Variants in RBFOX3 observed in about 807,000 individuals in gnomAD.
RBFOX3 encodes RNA binding fox-1 homolog 3.
In RBFOX3, 17 loss-of-function variants were observed where a neutral mutation model predicts 48.7. That is an observed-to-expected ratio of 0.35 (90% CI 0.24 to 0.52). The LOEUF is 0.52. RBFOX3 is among the 20% of genes least tolerant of loss of function. The pLI, the probability that RBFOX3 is intolerant of heterozygous loss-of-function variation, is 0.94. For synonymous variants in RBFOX3, 212 were observed against 209.5 expected, an observed-to-expected ratio of 1.01 and a Z score of -0.10; for missense variants, 382 against 497.5, an observed-to-expected ratio of 0.77 and a Z score of 2.21.
intron 1 of RBFOX3, among the ~76,000 whole-genome samples, chr17:79,531,844 C>T (rs1040693995): frequency 2.4e-4 from 36 of 152,328 alleles, no homozygotes; most frequent in African/African-American, 4.6e-4. Flanking sequence ...TCACGTTCTC[C>T]GTGACTCACC....
At chr17:79,267,871 C>T (rs916322469) in intron 3 of RBFOX3, among the ~76,000 whole-genome samples, 11 of 152,102 alleles carry the variant, frequency 7.2e-5, no homozygotes, top group Non-Finnish European at 1.3e-4. Flanking sequence ...GCTAGGAACG[C>T]GCAAGGCAGA....
intron 2 of RBFOX3, among the ~76,000 whole-genome samples, chr17:79,320,752 G>A (rs900077470): frequency 2.6e-5 from 4 of 152,086 alleles, no homozygotes; most frequent in African/African-American, 4.8e-5. Context: ...GCCTGCTCTC[G>A]GTGTGAGTCT....
At chr17:79,432,448 C>G (rs989480613) in intron 2 of RBFOX3, among the ~76,000 whole-genome samples, 20 of 152,342 alleles carry the variant, frequency 1.3e-4, no homozygotes, top group African/African-American at 4.6e-4. Flanking sequence ...ACATCAGTCA[C>G]CTGGGTTGGT....
intron 3 of RBFOX3, among the ~76,000 whole-genome samples, chr17:79,303,867 G>GTGTA (rs945112051): frequency 6.6e-6 from 1 of 151,610 alleles, no homozygotes; most frequent in African/African-American, 2.4e-5. Flanking sequence ...GTGTGTGTGT[G>GTGTA]TGTGTGTGTG....
At chr17:79,168,133 C>T (rs775741006) in intron 4 of RBFOX3, among the ~76,000 whole-genome samples, 2 of 152,276 alleles carry the variant, frequency 1.3e-5, no homozygotes, top group Admixed American at 6.5e-5. Context: ...TCTGATGCCC[C>T]GACCCTCGTT....
At chr17:79,278,147 C>T (rs565122536) in intron 3 of RBFOX3, among the ~76,000 whole-genome samples, 35 of 152,138 alleles carry the variant, frequency 2.3e-4, no homozygotes, top group Non-Finnish European at 4.3e-4. Flanking sequence ...GAGGCTGGCC[C>T]GTGGCAGCCA....
At chr17:79,240,055 G>A (rs1476631006) in intron 3 of RBFOX3, among the ~76,000 whole-genome samples, 28 of 152,112 alleles carry the variant, frequency 1.8e-4, no homozygotes, top group Admixed American at 1.8e-3. Context: ...CGAGTTCCTT[G>A]TGGGCTTTTC....
intron 1 of RBFOX3, among the ~76,000 whole-genome samples, chr17:79,503,533 A>G (rs1278046951): frequency 6.6e-6 from 1 of 152,248 alleles, no homozygotes; most frequent in Non-Finnish European, 1.5e-5. Context: ...TCTGCCTCGC[A>G]CGTGGTCTTT....
intron 2 of RBFOX3, among the ~76,000 whole-genome samples, chr17:79,469,355 G>A (rs372907318): frequency 7.9e-5 from 12 of 152,292 alleles, no homozygotes; most frequent in African/African-American, 9.6e-5. Context: ...CCCCTTGGCC[G>A]CCCATGCAGT....
the RBFOX3 span, among the ~76,000 whole-genome samples, chr17:79,628,106 G>A: frequency 6.6e-6 from 1 of 152,046 alleles, no homozygotes; most frequent in African/African-American, 2.4e-5. Flanking sequence ...AGCTCCTACA[G>A]GCTCAACTCC....
At chr17:79,230,555 G>A (rs1470756422) in intron 4 of RBFOX3, among the ~76,000 whole-genome samples, 5 of 152,212 alleles carry the variant, frequency 3.3e-5, no homozygotes, top group South Asian at 2.1e-4. Flanking sequence ...CACGGCACCC[G>A]GCTCTCCTTA....
chr17:79,255,690 T>C (rs2064714255), intron 3 of RBFOX3, among the ~76,000 whole-genome samples: 1 of 152,020 alleles, frequency 6.6e-6, no homozygotes, highest in Admixed American at 6.5e-5. Context: ...GCAGCAGCAC[T>C]GGGCCTGGCC....
At chr17:79,287,998 C>A (rs1030599981) in intron 3 of RBFOX3, among the ~76,000 whole-genome samples, 29 of 152,118 alleles carry the variant, frequency 1.9e-4, no homozygotes, top group Non-Finnish European at 1.5e-5. Flanking sequence ...TCTCGGGCTC[C>A]ACATTTCACT....
intron 3 of RBFOX3, among the ~76,000 whole-genome samples, chr17:79,270,341 C>T (rs188663843): frequency 1.3e-5 from 2 of 152,238 alleles, no homozygotes; most frequent in Admixed American, 1.3e-4. Context: ...CACTGGGGTC[C>T]CTCAGATACC....
At chr17:79,411,603 G>A (rs115346634) in intron 2 of RBFOX3, among the ~76,000 whole-genome samples, 4,183 of 152,230 alleles carry the variant, frequency 0.027, 102 homozygotes, top group African/African-American at 0.066. Context: ...CTGCCAGCCC[G>A]ACTTCGGTCC....
At chr17:79,178,930 C>A (rs189717178) in intron 4 of RBFOX3, among the ~76,000 whole-genome samples, 1 of 152,148 alleles carries the variant, frequency 6.6e-6, no homozygotes, top group African/African-American at 2.4e-5. Context: ...TGGATGCTGC[C>A]GCGGGTGCAC....
intron 1 of RBFOX3, among the ~76,000 whole-genome samples, chr17:79,553,202 T>C (rs1373504503): frequency 1.3e-5 from 2 of 152,240 alleles, no homozygotes; most frequent in African/African-American, 2.4e-5. Context: ...TGAATTTTGT[T>C]AATGCTTTTT....
chr17:79,128,414 C>T (rs1408058003), intron 4 of RBFOX3, among the ~76,000 whole-genome samples: 3 of 152,152 alleles, frequency 2.0e-5, no homozygotes, highest in East Asian at 1.9e-4. Context: ...ACCCAGGATC[C>T]GCCAGGGCTT....
At chr17:79,177,373 G>A (rs927316468) in intron 4 of RBFOX3, among the ~76,000 whole-genome samples, 1 of 152,254 alleles carries the variant, frequency 6.6e-6, no homozygotes, top group African/African-American at 2.4e-5. Flanking sequence ...AAGTTGTGTG[G>A]CTCAGCGTCT....
Sources: allele counts gnomAD v4.1 joint callset (sites outside exome capture counted in the v4.1 genomes callset), GRCh38; gene constraint gnomAD v4.1.1; transcripts MANE v1.5; gene names NCBI Gene and HGNC (gene_info 2026-07-23, HGNC 2026-07-21).